DIP2B: variants seen among roughly 807,000 people sequenced by gnomAD.
The protein encoded by DIP2B is DIP2 acetate--CoA ligase B (putative).
In DIP2B, 76 loss-of-function variants were observed where a neutral mutation model predicts 198.0. The observed-to-expected ratio is 0.38, with a 90% CI of 0.32 to 0.46. The LOEUF is 0.46. Ranked by LOEUF, DIP2B falls within the 20% of genes least tolerant of loss-of-function variation. The probability of loss-of-function intolerance (pLI) is 0.99; values close to 1 mark genes in which losing one functional copy is unlikely to be tolerated. For synonymous variants in DIP2B, 701 were observed against 739.1 expected, an observed-to-expected ratio of 0.95 and a Z score of 0.84; for missense variants, 1,559 against 1,978.4, an observed-to-expected ratio of 0.79 and a Z score of 4.02.
chr12:50,560,288 G>A lies in DIP2B; in HGVS notation c.100+55048G>A, dbSNP rs146038071. Among the ~76,000 whole-genome samples the A allele has an allele frequency of 6.9e-3, 1,050 of 152,104 alleles. 3 individuals are homozygous for A. The highest frequency in any genetic ancestry group is 0.013 in the Admixed American group (205 of 15,268). ...CATGCACCTGAAGTCCCAGCTACTC[G>A]GGAGGCTGAGGCAGGAAAATGGCGT... On this transcript the variant is annotated intron_variant, in intron 1 of 37. Coordinates refer to ENST00000301180, the MANE Select transcript of DIP2B (RefSeq NM_173602.3).
In DIP2B at chr12:50,516,975, G is replaced by A. The variant is rs1185617245; in HGVS notation, c.100+11735G>A. Among the ~76,000 whole-genome samples, 10 of 151,022 alleles carry A rather than the reference G, an allele frequency of 6.6e-5. No homozygotes were observed. In the East Asian group the frequency reaches 1.8e-3, roughly 27 times the overall value. On this transcript the variant is annotated intron_variant, in intron 1 of 37. Coordinates refer to ENST00000301180, the MANE Select transcript of DIP2B (RefSeq NM_173602.3). ...CGTGCCACTGCACTCCAGCCTGGGC[G>A]ACAGAGCAAGACTCTGTCTCAAAAT...
chr12:50,579,249 C>T (rs182894039), intron 1 of DIP2B, among the ~76,000 whole-genome samples: 151 of 152,156 alleles, frequency 9.9e-4, no homozygotes, highest in Admixed American at 2.6e-3. Flanking sequence ...CTGTTGCTGG[C>T]AGCATTTGTT....
intron 2 of DIP2B, among the ~76,000 whole-genome samples, chr12:50,632,143 T>TA (rs1938067944): frequency 6.6e-6 from 1 of 152,158 alleles, no homozygotes; most frequent in South Asian, 2.1e-4. Context: ...GTTTGACTTT[T>TA]TAAATGGCAT....
chr12:50,740,117 C>T (rs946035762), intron 36 of DIP2B, among the ~76,000 whole-genome samples: 1 of 152,232 alleles, frequency 6.6e-6, no homozygotes, highest in African/African-American at 2.4e-5. Flanking sequence ...AGCTTCACTG[C>T]TGCCCGCCAT....
At chr12:50,621,800 A>G (rs1339102904) in intron 1 of DIP2B, among the ~76,000 whole-genome samples, 1 of 152,216 alleles carries the variant, frequency 6.6e-6, no homozygotes, top group Non-Finnish European at 1.5e-5. Context: ...CTGTAGGCCT[A>G]GCATTGTAGT....
intron 30 of DIP2B, among the ~76,000 whole-genome samples, chr12:50,729,975 G>A (rs183198139): frequency 9.0e-4 from 137 of 152,098 alleles, no homozygotes; most frequent in African/African-American, 3.2e-3. Flanking sequence ...CGCCTGCCTC[G>A]ACCTCCCAAA....
intron 1 of DIP2B, among the ~76,000 whole-genome samples, chr12:50,558,928 A>T (rs950915603): frequency 2.0e-5 from 3 of 152,216 alleles, no homozygotes; most frequent in Admixed American, 2.0e-4. Flanking sequence ...CTCTTCTTCT[A>T]TGAAGCCAAG....
chr12:50,674,249 C>G (rs534819970), intron 5 of DIP2B, among the ~76,000 whole-genome samples: 1 of 152,274 alleles, frequency 6.6e-6, no homozygotes, highest in Admixed American at 6.5e-5. Context: ...TAAGGCTACT[C>G]AAGTCTTACA....
chr12:50,636,807 G>A (rs1375615613), intron 2 of DIP2B, among the ~76,000 whole-genome samples: 2 of 152,166 alleles, frequency 1.3e-5, no homozygotes, highest in Non-Finnish European at 2.9e-5. Context: ...TTTTCCTGAT[G>A]TCAAGTGGCC....
chr12:50,683,300 T>C (rs1939076492), intron 10 of DIP2B, 52 bp downstream of exon 10: 1 of 1,444,374 alleles, frequency 6.9e-7, no homozygotes, highest in Non-Finnish European at 9.6e-7. Context: ...ATGGCAGGCA[T>C]TGGGTTCTTG....
chr12:50,720,414 C>T (rs1393698851), intron 25 of DIP2B, among the ~76,000 whole-genome samples: 1 of 150,694 alleles, frequency 6.6e-6, no homozygotes, highest in African/African-American at 2.4e-5. Flanking sequence ...TCCTCCATCC[C>T]CCTGGAATCT....
chr12:50,677,604 G>A (rs1236246875), intron 7 of DIP2B, among the ~76,000 whole-genome samples: 8 of 152,178 alleles, frequency 5.3e-5, no homozygotes, highest in Non-Finnish European at 1.5e-5. Context: ...AACAGAGCAA[G>A]ACTCTGTCGT....
intron 1 of DIP2B, among the ~76,000 whole-genome samples, chr12:50,574,174 T>C (rs1462398910): frequency 6.6e-6 from 1 of 152,100 alleles, no homozygotes; most frequent in Non-Finnish European, 1.5e-5. Context: ...ATGTAACCTT[T>C]AAAAAAAATC....
At chr12:50,578,813 G>A (rs1007371918) in intron 1 of DIP2B, among the ~76,000 whole-genome samples, 1 of 151,974 alleles carries the variant, frequency 6.6e-6, no homozygotes, top group Non-Finnish European at 1.5e-5. Flanking sequence ...CGGCCTGTTT[G>A]CTCTTTTATA....
intron 1 of DIP2B, among the ~76,000 whole-genome samples, chr12:50,526,171 GATTCCAATGGA>G (rs1472581986): frequency 1.3e-5 from 2 of 152,160 alleles, no homozygotes; most frequent in Non-Finnish European, 2.9e-5. Flanking sequence ...GCAGGGAGAA[GATTCCAATGGA>G]ATTCTTTAGA....
intron 3 of DIP2B, 151 bp downstream of exon 3, chr12:50,641,003 C>T (rs568007695): frequency 2.0e-6 from 2 of 1,016,932 alleles, no homozygotes; most frequent in East Asian, 5.6e-5. Context: ...TTATTTTGTA[C>T]CCTACTATGT....
At chr12:50,709,791 A>C (rs1039944683) in intron 22 of DIP2B, among the ~76,000 whole-genome samples, 14 of 152,002 alleles carry the variant, frequency 9.2e-5, no homozygotes, top group African/African-American at 3.4e-4. Context: ...ACAGAGGAAG[A>C]CCCTGGCTCA....
Position 50,576,703 on chromosome 12 carries a change from G to A in DIP2B, c.101-49273G>A, listed in dbSNP as rs192631550. Among the ~76,000 whole-genome samples, 339 of 151,742 alleles carry A rather than the reference G, an allele frequency of 2.2e-3. 1 individual carries two copies. Among genetic ancestry groups the A allele is most frequent in the African/African-American group, 7.8e-3 (321 of 41,358 alleles). On this transcript the variant is annotated intron_variant, in intron 1 of 37. Transcript: ENST00000301180. ...TCACCATGTTAGCCAGGATGGTCTCGATCTCTTGACCTCATGATCTGCCCG... is the reference window on the plus strand; with the variant it reads ...TCACCATGTTAGCCAGGATGGTCTCAATCTCTTGACCTCATGATCTGCCCG...
chr12:50,536,087 C>T (rs1033701114), intron 1 of DIP2B, among the ~76,000 whole-genome samples: 6 of 151,630 alleles, frequency 4.0e-5, no homozygotes, highest in Non-Finnish European at 8.8e-5. Context: ...TTTTCTTAAT[C>T]CAGTCTATCA....
Sources: gnomAD v4.1 joint callset for allele counts (sites outside exome capture counted in the v4.1 genomes callset) on GRCh38, gnomAD v4.1.1 for gene constraint, MANE v1.5 for transcripts, NCBI Gene and HGNC (gene_info 2026-07-23, HGNC 2026-07-21) for gene names.